The following HS3ST3A1 variants were observed in gnomAD, a reference collection of about 807,000 sequenced individuals.
The protein encoded by HS3ST3A1 is heparan sulfate glucosamine 3-O-sulfotransferase 3A1.
A neutral mutation model predicts 25.7 loss-of-function variants in HS3ST3A1; 19 were observed. That is an observed-to-expected ratio of 0.74 (90% CI 0.52 to 1.08). The LOEUF (loss-of-function observed/expected upper bound fraction) is 1.08, where lower values mean the gene tolerates loss of function less well. Among genes scored for constraint, HS3ST3A1 ranks in the 50% least tolerant of loss-of-function variants. The probability of loss-of-function intolerance (pLI) is 0.00; values close to 1 mark genes in which losing one functional copy is unlikely to be tolerated. For synonymous variants in HS3ST3A1, 226 were observed against 278.6 expected (o/e 0.81, Z 1.88); for missense variants, 459 against 594.3 (o/e 0.77, Z 2.37).
At chr17:13,594,611 T>C (rs1908523746) in intron 1 of HS3ST3A1, among the ~76,000 whole-genome samples, 1 of 152,194 alleles carries the variant, frequency 6.6e-6, no homozygotes, top group Admixed American at 6.5e-5. Context: ...CTAACAAAAG[T>C]AATCTGGGGC....
intron 1 of HS3ST3A1, among the ~76,000 whole-genome samples, chr17:13,588,885 C>T (rs571797144): frequency 2.6e-5 from 4 of 152,214 alleles, no homozygotes; most frequent in African/African-American, 7.2e-5. Flanking sequence ...GGGGTTTCAC[C>T]GTGTTAGCCA....
intron 1 of HS3ST3A1, among the ~76,000 whole-genome samples, chr17:13,588,169 C>T (rs996113795): frequency 2.0e-5 from 3 of 152,052 alleles, no homozygotes; most frequent in South Asian, 4.2e-4. Flanking sequence ...ATTTACATAT[C>T]GTCTGTGGCT....
chr17:13,506,822 C>T (rs1054250393), intron 1 of HS3ST3A1, among the ~76,000 whole-genome samples: 18 of 151,154 alleles, frequency 1.2e-4, no homozygotes, highest in East Asian at 2.0e-4. Flanking sequence ...TTTGGGAGGC[C>T]GAGGCGGGTG....
intron 1 of HS3ST3A1, among the ~76,000 whole-genome samples, chr17:13,532,848 G>A (rs942542275): frequency 3.7e-5 from 5 of 133,536 alleles, no homozygotes; most frequent in African/African-American, 1.3e-4. Flanking sequence ...AAACAATATG[G>A]TTATGGTTAC....
chr17:13,596,241 G>A (rs1908572179), intron 1 of HS3ST3A1, among the ~76,000 whole-genome samples: 1 of 152,086 alleles, frequency 6.6e-6, no homozygotes, highest in Non-Finnish European at 1.5e-5. Flanking sequence ...AGTGTTTTTG[G>A]TGTTGTTTAA....
At chr17:13,513,505 CCG>C (rs1429762936) in intron 1 of HS3ST3A1, among the ~76,000 whole-genome samples, 2 of 152,158 alleles carry the variant, frequency 1.3e-5, no homozygotes, top group African/African-American at 4.8e-5. Context: ...TACTCAACCA[CCG>C]CTCCGATATA....
At chr17:13,520,760 A>C (rs1180692451) in intron 1 of HS3ST3A1, among the ~76,000 whole-genome samples, 1 of 151,862 alleles carries the variant, frequency 6.6e-6, no homozygotes, top group East Asian at 1.9e-4. Context: ...GATTACAGGC[A>C]CCCACCAGGC....
intron 1 of HS3ST3A1, among the ~76,000 whole-genome samples, chr17:13,552,628 C>T (rs7220749): frequency 0.54 from 82,417 of 151,996 alleles, 22,628 homozygotes; most frequent in Middle Eastern, 0.6. Context: ...TACAGAAATA[C>T]GTCTTTCTCC....
intron 1 of HS3ST3A1, among the ~76,000 whole-genome samples, chr17:13,560,445 C>G (rs929470729): frequency 1.3e-5 from 2 of 151,740 alleles, no homozygotes; most frequent in East Asian, 1.9e-4. Flanking sequence ...ATCATGACAT[C>G]TCACCTCAAA....
chr17:13,554,090 A>ATTCAGAAGG (rs1270998801), intron 1 of HS3ST3A1, among the ~76,000 whole-genome samples: 4 of 152,238 alleles, frequency 2.6e-5, no homozygotes, highest in African/African-American at 9.6e-5. Flanking sequence ...AAAGTCACAG[A>ATTCAGAAGG]TTCAGAAGGA....
At chr17:13,590,326 T>TAAAA (rs59735905) in intron 1 of HS3ST3A1, among the ~76,000 whole-genome samples, 27 of 147,586 alleles carry the variant, frequency 1.8e-4, no homozygotes, top group South Asian at 1.1e-3. Context: ...TCTGTGAGGT[T>TAAAA]AAAAAAAAAA....
Position 13,601,218 on chromosome 17 carries a change from C to G in HS3ST3A1, c.-89G>C, listed in dbSNP as rs946911325. 18 of 1,031,746 alleles carry G rather than the reference C, an allele frequency of 1.7e-5. No individual in the cohort carries two copies. Among genetic ancestry groups the G allele is most frequent in the Non-Finnish European group, 2.4e-5 (18 of 753,746 alleles). 63.9% of individuals were successfully genotyped at this position (1,031,746 alleles called of 1,614,324 possible). ...AGAGCATCCCCCCGGCGGGCCAGCG[C>G]GCTGGACGGAGGCCACATCGCCGTG... On this transcript the variant is annotated 5_prime_UTR_variant, in exon 1 of 2. Transcript: ENST00000284110.
At chr17:13,524,886 T>C (rs73982029) in intron 1 of HS3ST3A1, among the ~76,000 whole-genome samples, 4 of 152,160 alleles carry the variant, frequency 2.6e-5, no homozygotes, top group African/African-American at 9.7e-5. Context: ...TATATTTTGA[T>C]GTTAGTGGTT....
At chr17:13,584,821 C>G (rs1908209068) in intron 1 of HS3ST3A1, among the ~76,000 whole-genome samples, 1 of 152,148 alleles carries the variant, frequency 6.6e-6, no homozygotes, top group South Asian at 2.1e-4. Context: ...CATTGGGTGA[C>G]TCAAGTCCAG....
chr17:13,497,761 T>C (rs1207986332), intron 1 of HS3ST3A1, among the ~76,000 whole-genome samples: 1 of 152,262 alleles, frequency 6.6e-6, no homozygotes, highest in Non-Finnish European at 1.5e-5. Context: ...GTTGGATAGA[T>C]AGAGATCTTT....
chr17:13,505,264 A>G (rs1359461623), intron 1 of HS3ST3A1, among the ~76,000 whole-genome samples: 2 of 152,338 alleles, frequency 1.3e-5, no homozygotes, highest in African/African-American at 4.8e-5. Context: ...GAGGGAAAAC[A>G]TGGGAACCTG....
At chr17:13,589,790 TG>T (rs1210633090) in intron 1 of HS3ST3A1, among the ~76,000 whole-genome samples, 1 of 152,188 alleles carries the variant, frequency 6.6e-6, no homozygotes, top group East Asian at 1.9e-4. Context: ...AGGGCAAACA[TG>T]GCTTCCGTTT....
chr17:13,592,824 A>T (rs182395353), intron 1 of HS3ST3A1, among the ~76,000 whole-genome samples: 1 of 152,328 alleles, frequency 6.6e-6, no homozygotes, highest in East Asian at 1.9e-4. Flanking sequence ...CTGTGTATTT[A>T]AAAACAGAAG....
rs1905266384 is a variant in HS3ST3A1 at position 13,496,339 on chromosome 17, C to T, written c.1079G>A (p.Arg360Gln). ...CTTGGTCTTGCCCAGGCAATGGGGC[C>T]GGCTGCTGCCCTCCGCCTTCTTCAG... is the stretch of plus-strand genomic sequence containing the variant. The part of the protein sequence containing the change: ...PCLKKAEGSS[R>Q]PHCLGKTKGR... Residue 360 changes from arginine to glutamine, a missense_variant, in exon 2 of 2, where the codon CGG (arginine) becomes CAG (glutamine). This residue lies in a region of HS3ST3A1 where 67 missense variants were observed against 231.4 expected (regional missense o/e 0.29). Transcript: ENST00000284110. 6.5e-7 allele frequency: 1 copy of T among 1,535,278 alleles called. No individual in the cohort carries two copies. Among genetic ancestry groups the T allele is most frequent in the African/African-American group, 1.4e-5 (1 of 70,744 alleles).
Sources: gnomAD v4.1 joint callset for allele counts (sites outside exome capture counted in the v4.1 genomes callset) on GRCh38, gnomAD v4.1.1 for gene constraint, gnomAD v4.1.1 regional missense constraint, MANE v1.5 for transcripts, NCBI Gene and HGNC (gene_info 2026-07-23, HGNC 2026-07-21) for gene names.